Variants in SEPTIN9 observed in about 807,000 individuals in gnomAD.
SEPTIN9 encodes septin 9, also known as septin-9.
Under a neutral mutation model 56.6 loss-of-function variants are expected in SEPTIN9, and 13 were observed. The observed-to-expected ratio is 0.23, with a 90% CI of 0.15 to 0.37. The LOEUF (loss-of-function observed/expected upper bound fraction) is 0.37. Ranked by LOEUF, SEPTIN9 falls within the 10% of genes least tolerant of loss-of-function variation. The probability of loss-of-function intolerance (pLI) is 1.00; values close to 1 mark genes in which losing one functional copy is unlikely to be tolerated. For synonymous variants in SEPTIN9, 332 were observed against 334.1 expected, an observed-to-expected ratio of 0.99 and a Z score of 0.07; for missense variants, 650 against 823.1, an observed-to-expected ratio of 0.79 and a Z score of 2.57.
rs929565576 is a variant in SEPTIN9 at position 77,425,755 on chromosome 17, C to G, written c.721+23052C>G. On this transcript the variant is annotated intron_variant, in intron 3 of 11. Coordinates refer to ENST00000427177, the MANE Select transcript of SEPTIN9 (RefSeq NM_001113491.2). This position sits in a 1 kb window ranked among gnomAD's most constrained non-coding sequence, Gnocchi z 4.2. ...AGCTGCCCCCCGCTCATCTACCCCCCAACCCTCCCAGCCAGCAGAGTTTTA... is the reference window on the plus strand; with the variant it reads ...AGCTGCCCCCCGCTCATCTACCCCCGAACCCTCCCAGCCAGCAGAGTTTTA... 6.6e-6 allele frequency among the ~76,000 whole-genome samples: 1 copy of G among 151,740 alleles called. No individual in the cohort carries two copies. Among genetic ancestry groups the G allele is most frequent in the Non-Finnish European group, 1.5e-5 (1 of 67,964 alleles).
intron 3 of SEPTIN9, among the ~76,000 whole-genome samples, chr17:77,473,596 T>A (rs942844663): frequency 3.3e-5 from 5 of 152,220 alleles, no homozygotes; most frequent in African/African-American, 9.7e-5. Flanking sequence ...CAATGTATAC[T>A]TTTCTAGGGA....
At chr17:77,444,827 G>T (rs1209202087) in intron 3 of SEPTIN9, 1 of 268,026 alleles carries the variant, frequency 3.7e-6, no homozygotes, top group East Asian at 1.1e-4. Context: ...AAGTAAGTGG[G>T]CGGTGGGAAG....
At chr17:77,403,910 TC>T (rs2035981737) in intron 3 of SEPTIN9, among the ~76,000 whole-genome samples, 1 of 152,094 alleles carries the variant, frequency 6.6e-6, no homozygotes, top group African/African-American at 2.4e-5. Flanking sequence ...CTGAGCTCCG[TC>T]CCCGTTAGAC....
At chr17:77,387,801 C>T (rs981522907) in intron 2 of SEPTIN9, among the ~76,000 whole-genome samples, 1 of 152,134 alleles carries the variant, frequency 6.6e-6, no homozygotes, top group African/African-American at 2.4e-5. Flanking sequence ...GGGAGCAGGA[C>T]ACTTGTCACT....
At chr17:77,427,915 T>G (rs1421470147) in intron 3 of SEPTIN9, among the ~76,000 whole-genome samples, 2 of 152,212 alleles carry the variant, frequency 1.3e-5, no homozygotes, top group Non-Finnish European at 2.9e-5. Context: ...TGCAAGGTCC[T>G]GATCCACTCG....
At chr17:77,373,857 C>T in intron 2 of SEPTIN9, 1 of 369,288 alleles carries the variant, frequency 2.7e-6, no homozygotes, top group South Asian at 7.2e-5. Flanking sequence ...GTTTGCCAAG[C>T]GACAGCGACC....
intron 2 of SEPTIN9, among the ~76,000 whole-genome samples, chr17:77,390,061 G>A (rs1252658514): frequency 5.3e-5 from 8 of 152,162 alleles, no homozygotes; most frequent in African/African-American, 1.7e-4. Context: ...CGGATCAGTC[G>A]CTGTTGCCCT....
At chr17:77,358,049 T>C (rs2034309221) in intron 2 of SEPTIN9, among the ~76,000 whole-genome samples, 1 of 152,198 alleles carries the variant, frequency 6.6e-6, no homozygotes. Context: ...CACATGTTAT[T>C]ATGAGTCCTT....
chr17:77,333,767 G>A (rs1481348358), intron 2 of SEPTIN9, among the ~76,000 whole-genome samples: 1 of 151,760 alleles, frequency 6.6e-6, no homozygotes, highest in African/African-American at 2.4e-5. Flanking sequence ...GGTTCATTTT[G>A]TTGTCGTTTT....
chr17:77,424,272 G>C (rs751729339), intron 3 of SEPTIN9, among the ~76,000 whole-genome samples: 4 of 152,250 alleles, frequency 2.6e-5, no homozygotes, highest in Non-Finnish European at 5.9e-5. Flanking sequence ...AGCTAGAAGC[G>C]GCTGACCCTG....
In SEPTIN9 at chr17:77,314,169, CA is replaced by C. The variant is rs997930069; in HGVS notation, c.76+6983del. On this transcript the variant is annotated intron_variant, in intron 2 of 11. Transcript: ENST00000427177. ...GGGCAAAGGGAGTAAGGCCCTGTTTCAAAAAAAAAAATTTTTTTTTTTTTTG... is the reference window on the plus strand; with the variant it reads ...GGGCAAAGGGAGTAAGGCCCTGTTTCAAAAAAAAAATTTTTTTTTTTTTTG... Among the ~76,000 whole-genome samples the C allele has an allele frequency of 4.9e-5, 7 of 142,250 alleles. No homozygotes were observed. In the East Asian group the frequency reaches 6.1e-4, roughly 12 times the overall value. The allele number at this position is 142,250 out of a possible 152,430, so 93.3% of individuals were successfully genotyped here. A position where few individuals can be genotyped will look rare whatever the true frequency, so the allele number is the denominator to read the frequency against.
intron 4 of SEPTIN9, among the ~76,000 whole-genome samples, chr17:77,485,774 C>T (rs2039751949): frequency 6.6e-6 from 1 of 152,038 alleles, no homozygotes; most frequent in African/African-American, 2.4e-5. Flanking sequence ...TCTGTCCTCC[C>T]AGGAGCCCAC....
At position 77,313,638 on chromosome 17, in the gene SEPTIN9, G is replaced by A. The variant is rs2032592493; in HGVS notation, c.76+6441G>A. 6.6e-6 allele frequency among the ~76,000 whole-genome samples: 1 copy of A among 152,158 alleles called. No homozygotes were observed. The highest frequency in any genetic ancestry group is 2.1e-4 in the South Asian group (1 of 4,834). ...ACAGTAGCAGGGTCAGCAGGAGGGA[G>A]TCCAGGACGGAGCTCCTTCATTTTT... On this transcript the variant is annotated intron_variant, in intron 2 of 11. Coordinates refer to ENST00000427177, the MANE Select transcript of SEPTIN9 (RefSeq NM_001113491.2). The surrounding 1 kb of genome is among the most constrained non-coding windows in gnomAD (Gnocchi z 4.5).
chr17:77,471,971 C>G lies in SEPTIN9; in HGVS notation c.722-10173C>G, dbSNP rs180982115. On this transcript the variant is annotated intron_variant, in intron 3 of 11. Transcript: ENST00000427177. Reference sequence around the variant, plus strand: ...AAACAGAATATAAAATAGCCCCCCCCACCACACACCGCACCAGAAGTCAGA... The same window carrying G: ...AAACAGAATATAAAATAGCCCCCCCGACCACACACCGCACCAGAAGTCAGA... Among the ~76,000 whole-genome samples, 462 of 152,122 alleles carry G rather than the reference C, an allele frequency of 3.0e-3. 1 individual carries two copies. The highest frequency in any genetic ancestry group is 9.8e-3 in the African/African-American group (407 of 41,452).
At chr17:77,497,266 C>G (rs1055846210) in intron 10 of SEPTIN9, 49 bp from the exon 11 acceptor site, 8 of 1,571,526 alleles carry the variant, frequency 5.1e-6, no homozygotes, top group Non-Finnish European at 7.0e-6. Flanking sequence ...GGGGTCCGGG[C>G]AGAGTTTCTC....
At chr17:77,488,412 C>CG in intron 6 of SEPTIN9, 91 bp downstream of exon 6, 2 of 1,247,418 alleles carry the variant, frequency 1.6e-6, no homozygotes, top group South Asian at 2.4e-5. Flanking sequence ...TCCCGGCCCG[C>CG]GGGGGTGCAG....
intron 3 of SEPTIN9, among the ~76,000 whole-genome samples, chr17:77,438,108 C>T (rs950936554): frequency 2.0e-5 from 3 of 152,182 alleles, no homozygotes; most frequent in Non-Finnish European, 4.4e-5. Flanking sequence ...GCCTTGTGAC[C>T]GAAAGGAGCT....
chr17:77,366,895 A>G (rs1028742823), intron 2 of SEPTIN9, among the ~76,000 whole-genome samples: 2 of 152,192 alleles, frequency 1.3e-5, no homozygotes, highest in African/African-American at 4.8e-5. Flanking sequence ...GAGATCATGA[A>G]TTTAGAACAC....
At chr17:77,447,551 G>A (rs760315740) in intron 3 of SEPTIN9, among the ~76,000 whole-genome samples, 1 of 152,238 alleles carries the variant, frequency 6.6e-6, no homozygotes, top group East Asian at 1.9e-4. Flanking sequence ...GGGAAGAGTC[G>A]TCGTCAGTCA....
Sources: gnomAD v4.1 joint callset for allele counts (sites outside exome capture counted in the v4.1 genomes callset) on GRCh38, gnomAD v4.1.1 for gene constraint, Gnocchi (gnomAD v3.1) non-coding constraint, MANE v1.5 for transcripts, NCBI Gene and HGNC (gene_info 2026-07-23, HGNC 2026-07-21) for gene names.